The following GRID1 variants were observed in gnomAD, a reference collection of about 807,000 sequenced individuals.
The protein encoded by GRID1 is glutamate ionotropic receptor delta type subunit 1, also known as glutamate receptor ionotropic, delta-1.
GRID1 carries 28 observed loss-of-function variants against 98.0 expected under a neutral mutation model. The observed-to-expected ratio is 0.29, with a 90% CI of 0.21 to 0.39. GRID1 has a LOEUF of 0.39. Among genes scored for constraint, GRID1 ranks in the 10% least tolerant of loss-of-function variants. The pLI is 1.00. For missense variants in GRID1, 1,111 were observed against 1,340.5 expected (o/e 0.83, Z 2.67); for synonymous variants, 553 against 538.5 (o/e 1.03, Z -0.37).
At chr10:85,782,907 C>A (rs555344280) in intron 8 of GRID1, among the ~76,000 whole-genome samples, 16 of 152,256 alleles carry the variant, frequency 1.1e-4, no homozygotes, top group Admixed American at 1.3e-4. Context: ...AAAAGACACA[C>A]ATTGACATGG....
At chr10:86,030,897 G>A (rs572286439) in intron 4 of GRID1, among the ~76,000 whole-genome samples, 11 of 152,120 alleles carry the variant, frequency 7.2e-5, no homozygotes, top group Non-Finnish European at 1.6e-4. Flanking sequence ...TGTTCAAGAT[G>A]GTGGCTCCAT....
rs552647572 is a variant in GRID1, at chr10:85,665,946, G to A, written c.1998-18549C>T. ...AGCATAATTCCACCAAGGCGAGGGT[G>A]GAGAGGAGTGTGCACAGCTTGCACA... On this transcript the variant is annotated intron_variant, in intron 12 of 15. Transcript: ENST00000327946. Among the ~76,000 whole-genome samples, 8 of 152,220 alleles carry A rather than the reference G, an allele frequency of 5.3e-5. No individual in the cohort carries two copies. In the South Asian group the frequency reaches 1.7e-3, roughly 32 times the overall value.
chr10:85,876,829 G>A (rs1450317259), intron 5 of GRID1, among the ~76,000 whole-genome samples: 4 of 152,200 alleles, frequency 2.6e-5, no homozygotes, highest in African/African-American at 9.7e-5. Flanking sequence ...GAAGTGCAAG[G>A]GGTCAGGGAG....
intron 3 of GRID1, among the ~76,000 whole-genome samples, chr10:86,166,785 C>G (rs1027790446): frequency 7.2e-5 from 11 of 152,218 alleles, no homozygotes; most frequent in African/African-American, 2.7e-4. Context: ...CATGTCTAAG[C>G]TTTTGCTGGG....
intron 8 of GRID1, among the ~76,000 whole-genome samples, chr10:85,837,096 C>G (rs532222460): frequency 6.6e-6 from 1 of 152,180 alleles, no homozygotes; most frequent in African/African-American, 2.4e-5. Context: ...CCACCCCCAC[C>G]ACCGACTGTC....
At chr10:85,994,687 C>T (rs1842720668) in intron 4 of GRID1, among the ~76,000 whole-genome samples, 1 of 152,160 alleles carries the variant, frequency 6.6e-6, no homozygotes. Flanking sequence ...ATGCTGGGGT[C>T]CCCCAGCTGG....
intron 14 of GRID1, among the ~76,000 whole-genome samples, chr10:85,617,326 G>T (rs1202818660): frequency 6.6e-6 from 1 of 151,192 alleles, no homozygotes. Context: ...TCCACCTCCT[G>T]GGTTCAAGCA....
At chr10:86,099,933 C>T (rs533095554) in intron 4 of GRID1, among the ~76,000 whole-genome samples, 4 of 152,304 alleles carry the variant, frequency 2.6e-5, no homozygotes, top group African/African-American at 9.6e-5. Flanking sequence ...CTTCAGCACC[C>T]TCATGGGGCT....
At chr10:86,165,188 C>A (rs1845381400) in intron 3 of GRID1, among the ~76,000 whole-genome samples, 1 of 152,182 alleles carries the variant, frequency 6.6e-6, no homozygotes, top group Admixed American at 6.5e-5. Context: ...ACTCGCAGTG[C>A]ACATTTCCCA....
intron 8 of GRID1, among the ~76,000 whole-genome samples, chr10:85,755,086 C>T (rs1054502791): frequency 3.3e-5 from 5 of 152,148 alleles, no homozygotes; most frequent in African/African-American, 1.2e-4. Context: ...CCTAGTTCCC[C>T]CCACTATTCC....
intron 2 of GRID1, among the ~76,000 whole-genome samples, chr10:86,248,544 C>G (rs1846768061): frequency 6.7e-6 from 1 of 150,034 alleles, no homozygotes; most frequent in African/African-American, 2.5e-5. Context: ...TCCCTGTCTG[C>G]AAATCGGGCA....
At chr10:86,096,645 A>G (rs1021859709) in intron 4 of GRID1, among the ~76,000 whole-genome samples, 15 of 152,244 alleles carry the variant, frequency 9.9e-5, no homozygotes, top group African/African-American at 3.6e-4. Context: ...TCACAGCCAA[A>G]GAAGTGTGGC....
chr10:85,993,931 T>C (rs1039957211), intron 4 of GRID1, among the ~76,000 whole-genome samples: 7 of 152,164 alleles, frequency 4.6e-5, no homozygotes, highest in African/African-American at 1.7e-4. Flanking sequence ...ACAGAAGTCA[T>C]GTCCAAGCCC....
chr10:85,881,532 C>CCTATTTAATAATTCCA (rs1355836807), intron 5 of GRID1, among the ~76,000 whole-genome samples: 1 of 152,148 alleles, frequency 6.6e-6, no homozygotes, highest in East Asian at 1.9e-4. Flanking sequence ...GAAAGGATTC[C>CCTATTTAATAATTCCA]CTATTTAATA....
At position 86,206,270 on chromosome 10, in the gene GRID1, C is replaced by G. The variant is rs1182402562; in HGVS notation, c.520+94G>C. The G allele has an allele frequency of 1.6e-6, 2 of 1,266,458 alleles. No individual in the cohort carries two copies. Among genetic ancestry groups the G allele is most frequent in the Admixed American group, 4.2e-5 (2 of 47,516 alleles). 78.5% of individuals were successfully genotyped at this position (1,266,458 alleles called of 1,614,324 possible). A position where few individuals can be genotyped will look rare whatever the true frequency, so the allele number is the denominator to read the frequency against. ...GAGGCCCACTCAGCACAGACCACCC[C>G]TGACCGGTCCAGGGCCCCACCCACT... is the stretch of plus-strand genomic sequence containing the variant. On this transcript the variant is annotated intron_variant, in intron 3 of 15. Coordinates refer to ENST00000327946, the MANE Select transcript of GRID1 (RefSeq NM_017551.3). This position sits in a 1 kb window ranked among gnomAD's most constrained non-coding sequence, Gnocchi z 4.1.
intron 2 of GRID1, among the ~76,000 whole-genome samples, chr10:86,340,618 G>A (rs1165997404): frequency 6.6e-6 from 1 of 152,190 alleles, no homozygotes; most frequent in Non-Finnish European, 1.5e-5. Flanking sequence ...GGCAGGGGAG[G>A]GGAGTCACTG....
chr10:86,349,863 C>G (rs765498846), intron 2 of GRID1, among the ~76,000 whole-genome samples: 3 of 152,190 alleles, frequency 2.0e-5, no homozygotes, highest in Non-Finnish European at 2.9e-5. Context: ...TGGCAGTAAA[C>G]AAGACAGACA....
intron 8 of GRID1, among the ~76,000 whole-genome samples, chr10:85,740,195 C>G (rs1841926609): frequency 6.6e-6 from 1 of 152,102 alleles, no homozygotes; most frequent in African/African-American, 2.4e-5. Context: ...GGCTGGAATT[C>G]TGTTTCTTCC....
chr10:85,874,824 C>T (rs1421563287), intron 5 of GRID1, among the ~76,000 whole-genome samples: 2 of 152,002 alleles, frequency 1.3e-5, no homozygotes, highest in African/African-American at 4.8e-5. Flanking sequence ...TGAATATTGG[C>T]TATTTTTAAT....
Sources: gnomAD v4.1 joint callset for allele counts (sites outside exome capture counted in the v4.1 genomes callset) on GRCh38, gnomAD v4.1.1 for gene constraint, Gnocchi (gnomAD v3.1) non-coding constraint, MANE v1.5 for transcripts, NCBI Gene and HGNC (gene_info 2026-07-23, HGNC 2026-07-21) for gene names.